The following RAD51B variants were observed in gnomAD, a reference collection of about 807,000 sequenced individuals.
RAD51B encodes the protein RAD51 paralog B, also known as DNA repair protein RAD51 homolog 2.
RAD51B carries 38 observed loss-of-function variants against 42.2 expected under a neutral mutation model. That is an observed-to-expected ratio of 0.90 (90% CI 0.70 to 1.18). The LOEUF (loss-of-function observed/expected upper bound fraction) is 1.18. Ranked by LOEUF, RAD51B falls within the 50% of genes most tolerant of loss-of-function variation. The pLI is 0.00. For missense variants in RAD51B, 373 were observed against 400.7 expected (o/e 0.93, Z 0.59); for synonymous variants, 154 against 145.2 (o/e 1.06, Z -0.43).
intron 9 of RAD51B, among the ~76,000 whole-genome samples, chr14:68,449,020 A>G (rs2085490768): frequency 6.6e-6 from 1 of 152,230 alleles, no homozygotes; most frequent in African/African-American, 2.4e-5. Context: ...AAACTACTTT[A>G]AAATTAATCC....
intron 10 of RAD51B, among the ~76,000 whole-genome samples, chr14:68,629,397 T>C (rs564182438): frequency 2.0e-5 from 3 of 152,304 alleles, no homozygotes; most frequent in African/African-American, 7.2e-5. Context: ...TCTTTAAAGG[T>C]AGAGAAAGCA....
chr14:68,146,369 G>A (rs181523743), intron 7 of RAD51B, among the ~76,000 whole-genome samples: 8 of 152,200 alleles, frequency 5.3e-5, no homozygotes, highest in Admixed American at 1.3e-4. Flanking sequence ...AGAATTGCTC[G>A]AACCAAGATG....
chr14:68,681,732 C>T (rs1399770566), intron 11 of RAD51B, among the ~76,000 whole-genome samples: 1 of 152,212 alleles, frequency 6.6e-6, no homozygotes, highest in African/African-American at 2.4e-5. Flanking sequence ...TAACCTCCCT[C>T]CTGTTCATCA....
chr14:68,278,083 G>A (rs1182864163), intron 7 of RAD51B, among the ~76,000 whole-genome samples: 2 of 152,128 alleles, frequency 1.3e-5, no homozygotes, highest in Non-Finnish European at 2.9e-5. Context: ...GCCTACCAGT[G>A]CCAGAAATTT....
chr14:67,847,326 C>CTTTTTTTTTTT (rs60032578), intron 4 of RAD51B, among the ~76,000 whole-genome samples: 2 of 105,646 alleles, frequency 1.9e-5, no homozygotes, highest in Non-Finnish European at 3.8e-5. Flanking sequence ...TTGGTTTGTT[C>CTTTTTTTTTTT]TTTTTTTTTT....
chr14:68,026,441 G>A (rs11158716), intron 7 of RAD51B, among the ~76,000 whole-genome samples: 26,300 of 151,700 alleles, frequency 0.17, 2,455 homozygotes, highest in Middle Eastern at 0.35. Context: ...TGCTGTCAGT[G>A]GGGCATTGAA....
intron 7 of RAD51B, among the ~76,000 whole-genome samples, chr14:67,989,940 A>G (rs2075265496): frequency 6.6e-6 from 1 of 151,886 alleles, no homozygotes; most frequent in South Asian, 2.1e-4. Context: ...GGAAATTACA[A>G]ATTATTCTTT....
chr14:68,662,372 A>T (rs1006376414), intron 11 of RAD51B, among the ~76,000 whole-genome samples: 3 of 152,220 alleles, frequency 2.0e-5, no homozygotes, highest in Non-Finnish European at 4.4e-5. Context: ...ATGAATCCAA[A>T]CTGTTTTGGG....
intron 7 of RAD51B, among the ~76,000 whole-genome samples, chr14:68,211,165 A>G (rs2079697334): frequency 1.3e-5 from 2 of 152,168 alleles, no homozygotes; most frequent in African/African-American, 2.4e-5. Context: ...CTAGGTAGGC[A>G]TGTCTAAAAT....
At chr14:68,356,810 T>G (rs1484043750) in intron 8 of RAD51B, among the ~76,000 whole-genome samples, 1 of 151,240 alleles carries the variant, frequency 6.6e-6, no homozygotes, top group Non-Finnish European at 1.5e-5. Context: ...TGAAACCCCG[T>G]CTCTACTAAA....
intron 4 of RAD51B, among the ~76,000 whole-genome samples, chr14:67,858,694 A>T (rs893968358): frequency 2.6e-5 from 4 of 152,222 alleles, no homozygotes; most frequent in African/African-American, 4.8e-5. Context: ...TGGTCCAGGG[A>T]TTTAACATAT....
chr14:68,374,783 A>G (rs2083332417), intron 8 of RAD51B, among the ~76,000 whole-genome samples: 1 of 149,498 alleles, frequency 6.7e-6, no homozygotes, highest in Admixed American at 6.7e-5. Context: ...TATTAGCTTT[A>G]CTGTTTTAGG....
At chr14:68,381,397 C>T (rs942868982) in intron 8 of RAD51B, among the ~76,000 whole-genome samples, 1 of 151,990 alleles carries the variant, frequency 6.6e-6, no homozygotes, top group African/African-American at 2.4e-5. Context: ...TAGAGTTGGC[C>T]GGGCACGGTG....
At chr14:67,863,670 T>C (rs1275797124) in intron 4 of RAD51B, among the ~76,000 whole-genome samples, 1 of 152,178 alleles carries the variant, frequency 6.6e-6, no homozygotes, top group Non-Finnish European at 1.5e-5. Flanking sequence ...AAAAAGTTCT[T>C]TAGTGTTATT....
intron 3 of RAD51B, among the ~76,000 whole-genome samples, chr14:67,829,878 A>G (rs1398966252): frequency 6.6e-6 from 1 of 152,226 alleles, no homozygotes; most frequent in Non-Finnish European, 1.5e-5. Flanking sequence ...AAGGAAAAGC[A>G]TAAGGTACTT....
chr14:68,112,096 T>C (rs913954182), intron 7 of RAD51B, among the ~76,000 whole-genome samples: 1 of 152,066 alleles, frequency 6.6e-6, no homozygotes, highest in African/African-American at 2.4e-5. Context: ...TTTAAAGGAA[T>C]TTTTAAAAGC....
At chr14:68,472,821 A>C (rs2086159907) in intron 10 of RAD51B, among the ~76,000 whole-genome samples, 1 of 152,234 alleles carries the variant, frequency 6.6e-6, no homozygotes, top group South Asian at 2.1e-4. Context: ...AGAAGAAAAC[A>C]GAAAACAAAG....
At chr14:68,287,066 C>T (rs111413255) in intron 7 of RAD51B, among the ~76,000 whole-genome samples, 1 of 140,668 alleles carries the variant, frequency 7.1e-6, no homozygotes, top group Non-Finnish European at 1.6e-5. Flanking sequence ...GACATTGATT[C>T]CCAGCCTTCT....
In RAD51B at chr14:68,568,401, T is replaced by G. The variant is rs901823538; in HGVS notation, c.1037-26084T>G. Among the ~76,000 whole-genome samples the G allele has an allele frequency of 2.0e-5, 3 of 152,236 alleles. No individual in the cohort carries two copies. The East Asian group carries it at 5.8e-4, about 29-fold the overall frequency. On this transcript the variant is annotated intron_variant, in intron 10 of 10. Coordinates refer to the RAD51B transcript ENST00000487270. The stretch of plus-strand genomic sequence containing the variant: ...GCAAGTGGTACAGCTTATTTTCTGA[T>G]GATAAAACCAGAAGCCCAGTGGTTA...
Sources: gnomAD v4.1 joint callset for allele counts (sites outside exome capture counted in the v4.1 genomes callset) on GRCh38, gnomAD v4.1.1 for gene constraint, MANE v1.5 for transcripts, NCBI Gene and HGNC (gene_info 2026-07-23, HGNC 2026-07-21) for gene names.